The following SH3BGR variants were observed in gnomAD, a reference collection of about 807,000 sequenced individuals.
SH3BGR encodes SH3 domain-binding glutamic acid-rich protein.
SH3BGR carries 29 observed loss-of-function variants against 24.5 expected under a neutral mutation model. That is an observed-to-expected ratio of 1.18 (90% CI 0.88 to 1.61). The LOEUF is 1.61. Ranked by LOEUF, SH3BGR falls within the 40% of genes most tolerant of loss-of-function variation. The pLI, the probability that SH3BGR is intolerant of heterozygous loss-of-function variation, is 0.00. For missense variants in SH3BGR, 162 were observed against 205.8 expected (o/e 0.79, Z 1.30); for synonymous variants, 55 against 65.7 (o/e 0.84, Z 0.79).
intron 1 of SH3BGR, among the ~76,000 whole-genome samples, chr21:39,454,863 G>T (rs2077630107): frequency 6.6e-6 from 1 of 152,210 alleles, no homozygotes; most frequent in Non-Finnish European, 1.5e-5. Context: ...GCTATGTGGT[G>T]CCTGACAGTG....
chr21:39,463,006 C>T (rs1281577005), intron 2 of SH3BGR, among the ~76,000 whole-genome samples: 2 of 152,154 alleles, frequency 1.3e-5, no homozygotes, highest in African/African-American at 4.8e-5. Flanking sequence ...ACTTCAGCCT[C>T]TTGAGTAGCT....
chr21:39,485,756 C>T (rs1441328095), intron 3 of SH3BGR, among the ~76,000 whole-genome samples: 6 of 149,066 alleles, frequency 4.0e-5, no homozygotes, highest in African/African-American at 7.4e-5. Context: ...GGTGCGATCT[C>T]GGCTCACTGC....
chr21:39,483,330 C>T (rs909944355), intron 3 of SH3BGR, among the ~76,000 whole-genome samples: 1 of 152,166 alleles, frequency 6.6e-6, no homozygotes, highest in Admixed American at 6.5e-5. Context: ...AGTTGATCAA[C>T]ATAGATATTG....
At chr21:39,459,007 C>T (rs762773632) in intron 1 of SH3BGR, among the ~76,000 whole-genome samples, 4 of 151,704 alleles carry the variant, frequency 2.6e-5, no homozygotes, top group Non-Finnish European at 5.9e-5. Context: ...TGAGTGTATT[C>T]TATATCCATA....
intron 3 of SH3BGR, chr21:39,488,665 G>T: frequency 2.6e-6 from 1 of 378,040 alleles, no homozygotes. Flanking sequence ...CATCATGGGC[G>T]CTGAAATCCG....
chr21:39,512,655 G>T (rs1442398388), intron 6 of SH3BGR, among the ~76,000 whole-genome samples: 1 of 152,116 alleles, frequency 6.6e-6, no homozygotes, highest in Non-Finnish European at 1.5e-5. Context: ...AGCCGGGTGG[G>T]GTGGCTCATG....
chr21:39,500,041 C>T, intron 4 of SH3BGR, 126 bp downstream of exon 4: 2 of 689,632 alleles, frequency 2.9e-6, no homozygotes, highest in East Asian at 2.6e-5. Context: ...AGAGTTTAGC[C>T]AGGGAGGAAG....
intron 4 of SH3BGR, among the ~76,000 whole-genome samples, chr21:39,507,048 C>A (rs1351686936): frequency 6.6e-6 from 1 of 152,084 alleles, no homozygotes; most frequent in African/African-American, 2.4e-5. Context: ...TGAAAGCAAC[C>A]CCTGGATTTT....
intron 3 of SH3BGR, among the ~76,000 whole-genome samples, chr21:39,482,532 T>C (rs2078146258): frequency 1.3e-5 from 2 of 152,230 alleles, no homozygotes; most frequent in African/African-American, 2.4e-5. Flanking sequence ...AGAATGCCCT[T>C]GTTTTTAGAA....
In SH3BGR at chr21:39,475,159, A is replaced by G. The variant is rs1452985049; in HGVS notation, c.256A>G (p.Lys86Glu). Residue 86 changes from lysine (K) to glutamate (E), a missense_variant, in exon 3 of 7, where the codon AAA (lysine) becomes GAA (glutamate). Lys to Glu is a moderately conservative substitution (Grantham distance 56). Transcript: ENST00000333634. ...GGATTTTGACTCTTTCTTCTCTGCA[A>G]AAGAAGAGAATATTATTTATTCCTT... ...CGDFDSFFSA[K>E]EENIIYSFLG... 3 of 1,611,830 alleles carry G rather than the reference A, an allele frequency of 1.9e-6. No individual in the cohort carries two copies. In the South Asian group the frequency reaches 3.3e-5, roughly 18 times the overall value.
At chr21:39,514,995 C>A in intron 6 of SH3BGR, 93 bp from the exon 7 acceptor site, 1 of 383,412 alleles carries the variant, frequency 2.6e-6, no homozygotes, top group Non-Finnish European at 5.4e-6. Flanking sequence ...AAAGGCAACA[C>A]TTTCCTTTAT....
intron 4 of SH3BGR, among the ~76,000 whole-genome samples, chr21:39,506,136 CCAGA>C (rs2078579226): frequency 6.6e-6 from 1 of 152,154 alleles, no homozygotes; most frequent in African/African-American, 2.4e-5. Context: ...CCTGGAGGGG[CCAGA>C]CAGTTCCCAG....
upstream of SH3BGR, among the ~76,000 whole-genome samples, chr21:39,451,605 C>A (rs550711829): frequency 9.2e-5 from 14 of 152,272 alleles, no homozygotes; most frequent in African/African-American, 3.1e-4. Flanking sequence ...TGCCAAAAGC[C>A]CTTTAAACCC....
chr21:39,494,824 C>T (rs2078366237), intron 3 of SH3BGR, among the ~76,000 whole-genome samples: 1 of 151,974 alleles, frequency 6.6e-6, no homozygotes, highest in Admixed American at 6.6e-5. Flanking sequence ...CCTTCTGGCA[C>T]TCTAATTACA....
chr21:39,447,416 CTTTTTT>C (rs910615975), upstream of SH3BGR, among the ~76,000 whole-genome samples: 5 of 114,710 alleles, frequency 4.4e-5, no homozygotes, highest in Non-Finnish European at 7.1e-5. Flanking sequence ...TTCGCTTTTG[CTTTTTT>C]TTTTTTTTTT....
chr21:39,491,559 TG>T, intron 3 of SH3BGR: 2 of 276,600 alleles, frequency 7.2e-6, no homozygotes, highest in Non-Finnish European at 1.4e-5. Context: ...TGGGCTTTGG[TG>T]GGGGTCGTGG....
At chr21:39,485,854 A>AT (rs2078203930) in intron 3 of SH3BGR, among the ~76,000 whole-genome samples, 1 of 151,500 alleles carries the variant, frequency 6.6e-6, no homozygotes, top group Non-Finnish European at 1.5e-5. Flanking sequence ...CGCCCGGCTA[A>AT]TTTTTTGTGT....
At chr21:39,461,200 A>G (rs188207710) in intron 1 of SH3BGR, among the ~76,000 whole-genome samples, 19 of 147,796 alleles carry the variant, frequency 1.3e-4, no homozygotes, top group African/African-American at 4.5e-4. Flanking sequence ...GCAGTGGCGC[A>G]ATCTTGGCTC....
intron 3 of SH3BGR, among the ~76,000 whole-genome samples, chr21:39,476,672 C>T (rs1265740235): frequency 6.6e-6 from 1 of 152,136 alleles, no homozygotes; most frequent in African/African-American, 2.4e-5. Context: ...CTCAATCTCT[C>T]GTCTTAACCC....
Sources: gnomAD v4.1 joint callset for allele counts (sites outside exome capture counted in the v4.1 genomes callset) on GRCh38, gnomAD v4.1.1 for gene constraint, MANE v1.5 for transcripts, NCBI Gene and HGNC (gene_info 2026-07-23, HGNC 2026-07-21) for gene names.